Variants in HPSE2 observed in about 807,000 individuals in gnomAD.
HPSE2 encodes the protein inactive heparanase-2.
In HPSE2, 38 loss-of-function variants were observed where a neutral mutation model predicts 60.5. The observed-to-expected ratio is 0.63, with a 90% CI of 0.48 to 0.82. The LOEUF is 0.82. Among genes scored for constraint, HPSE2 ranks in the 40% least tolerant of loss-of-function variants. The pLI is 0.00. For synonymous variants in HPSE2, 295 were observed against 293.2 expected (o/e 1.01, Z -0.06); for missense variants, 713 against 740.4 (o/e 0.96, Z 0.43).
At chr10:98,745,476 C>A (rs1292391327) in intron 3 of HPSE2, among the ~76,000 whole-genome samples, 1 of 152,132 alleles carries the variant, frequency 6.6e-6, no homozygotes, top group Non-Finnish European at 1.5e-5. Context: ...TTTTCAAGAC[C>A]ATTTTCTTCC....
chr10:98,964,858 C>T (rs1955774654), intron 3 of HPSE2, among the ~76,000 whole-genome samples: 1 of 152,244 alleles, frequency 6.6e-6, no homozygotes, highest in East Asian at 1.9e-4. Flanking sequence ...CAAATCAATG[C>T]CAATCCCTGA....
At chr10:98,758,727 A>G (rs1003757827) in intron 3 of HPSE2, among the ~76,000 whole-genome samples, 1 of 152,198 alleles carries the variant, frequency 6.6e-6, no homozygotes, top group Non-Finnish European at 1.5e-5. Context: ...ATGCGTATAC[A>G]CTGTTGGTAG....
chr10:99,295,985 C>T, the HPSE2 span, among the ~76,000 whole-genome samples: 1 of 152,344 alleles, frequency 6.6e-6, no homozygotes. Flanking sequence ...CTAAATCTAG[C>T]TTCTTTAGCC....
At chr10:99,171,616 G>C (rs1219572211) in intron 2 of HPSE2, among the ~76,000 whole-genome samples, 4 of 152,112 alleles carry the variant, frequency 2.6e-5, no homozygotes, top group African/African-American at 7.2e-5. Flanking sequence ...GTGCCAATTA[G>C]AGCCAATACC....
At chr10:98,838,158 G>C (rs910680848) in intron 3 of HPSE2, among the ~76,000 whole-genome samples, 9 of 151,922 alleles carry the variant, frequency 5.9e-5, no homozygotes, top group Non-Finnish European at 2.9e-5. Flanking sequence ...CTCACCTATG[G>C]CTCAAATCCT....
chr10:98,917,317 G>A (rs1954148325), intron 3 of HPSE2, among the ~76,000 whole-genome samples: 1 of 152,082 alleles, frequency 6.6e-6, no homozygotes, highest in South Asian at 2.1e-4. Flanking sequence ...TAAACATAAT[G>A]GTGATTCCAG....
chr10:98,963,992 T>C (rs1180354797), intron 3 of HPSE2, among the ~76,000 whole-genome samples: 1 of 152,174 alleles, frequency 6.6e-6, no homozygotes, highest in Non-Finnish European at 1.5e-5. Flanking sequence ...TTTCACATTA[T>C]AATGCAAGTC....
chr10:98,889,261 C>T (rs967860598), intron 3 of HPSE2, among the ~76,000 whole-genome samples: 2 of 152,072 alleles, frequency 1.3e-5, no homozygotes, highest in South Asian at 4.1e-4. Context: ...GGGCTGACTG[C>T]AACCTCTGCA....
At chr10:99,289,637 G>C in the HPSE2 span, among the ~76,000 whole-genome samples, 1 of 152,102 alleles carries the variant, frequency 6.6e-6, no homozygotes, top group Non-Finnish European at 1.5e-5. Context: ...CAGATGACTA[G>C]TTTTTTAAAG....
the HPSE2 span, among the ~76,000 whole-genome samples, chr10:99,305,335 A>G: frequency 6.6e-6 from 1 of 152,224 alleles, no homozygotes; most frequent in Non-Finnish European, 1.5e-5. Flanking sequence ...AAAGGACCCC[A>G]GGCTCTCAAT....
intron 3 of HPSE2, among the ~76,000 whole-genome samples, chr10:98,990,107 A>C (rs1036479194): frequency 6.6e-6 from 1 of 152,224 alleles, no homozygotes; most frequent in Non-Finnish European, 1.5e-5. Flanking sequence ...AAAGCCTGCC[A>C]CCAGATGCAG....
chr10:98,727,720 G>C (rs574278118), intron 4 of HPSE2, among the ~76,000 whole-genome samples: 2 of 151,272 alleles, frequency 1.3e-5, no homozygotes, highest in East Asian at 3.9e-4. Flanking sequence ...CTAAAGGAAA[G>C]TATAATGTTA....
At chr10:98,540,020 G>T (rs1259705454) in intron 9 of HPSE2, among the ~76,000 whole-genome samples, 1 of 152,186 alleles carries the variant, frequency 6.6e-6, no homozygotes, top group African/African-American at 2.4e-5. Flanking sequence ...AGTATTACCT[G>T]GGGTAAGCCA....
intron 3 of HPSE2, among the ~76,000 whole-genome samples, chr10:99,081,722 C>T (rs374817308): frequency 1.1e-4 from 17 of 151,982 alleles, no homozygotes; most frequent in African/African-American, 2.9e-4. Context: ...CTGCAACCTC[C>T]GCCTCCCGGG....
intron 3 of HPSE2, among the ~76,000 whole-genome samples, chr10:98,770,173 A>T (rs1950209960): frequency 6.6e-6 from 1 of 152,152 alleles, no homozygotes; most frequent in Non-Finnish European, 1.5e-5. Flanking sequence ...GCTGTTGGAA[A>T]CTTGGTATGT....
intron 11 of HPSE2, among the ~76,000 whole-genome samples, chr10:98,466,675 C>T (rs1361842051): frequency 6.6e-6 from 1 of 151,686 alleles, no homozygotes; most frequent in Non-Finnish European, 1.5e-5. Flanking sequence ...CATTTGCCTT[C>T]TCTGAGACTA....
At chr10:98,887,523 A>C (rs1953199511) in intron 3 of HPSE2, among the ~76,000 whole-genome samples, 1 of 152,152 alleles carries the variant, frequency 6.6e-6, no homozygotes, top group Non-Finnish European at 1.5e-5. Flanking sequence ...TATGAAAGCC[A>C]TAGGGCCAGA....
intron 3 of HPSE2, among the ~76,000 whole-genome samples, chr10:98,984,074 T>C (rs908920448): frequency 6.6e-6 from 1 of 152,150 alleles, no homozygotes; most frequent in African/African-American, 2.4e-5. Flanking sequence ...GGGCAGAGCA[T>C]AGCAAAACAA....
At chr10:98,915,814 G>C (rs996721012) in intron 3 of HPSE2, among the ~76,000 whole-genome samples, 1 of 152,174 alleles carries the variant, frequency 6.6e-6, no homozygotes, top group Non-Finnish European at 1.5e-5. Flanking sequence ...TCAGAGAAAT[G>C]GGTAGAAATG....
Sources: allele counts gnomAD v4.1 joint callset (sites outside exome capture counted in the v4.1 genomes callset), GRCh38; gene constraint gnomAD v4.1.1; transcripts MANE v1.5; gene names NCBI Gene and HGNC (gene_info 2026-07-23, HGNC 2026-07-21).